Variants in INPP5D observed in about 807,000 individuals in gnomAD.
INPP5D encodes the protein phosphatidylinositol 3,4,5-trisphosphate 5-phosphatase 1.
A neutral mutation model predicts 122.9 loss-of-function variants in INPP5D; 33 were observed. The ratio of observed to expected loss-of-function variants is 0.27; its 90% CI spans 0.20 to 0.36. The LOEUF (loss-of-function observed/expected upper bound fraction) is 0.36, where lower values mean the gene tolerates loss of function less well. INPP5D is among the 10% of genes least tolerant of loss of function. The pLI is 1.00. For missense variants in INPP5D, 1,053 were observed against 1,412.7 expected, an observed-to-expected ratio of 0.75 and a Z score of 4.08; for synonymous variants, 584 against 576.2, an observed-to-expected ratio of 1.01 and a Z score of -0.19.
intron 17 of INPP5D, among the ~76,000 whole-genome samples, chr2:233,176,356 G>GATGGATGAATGA (rs59316189): frequency 1.4e-5 from 2 of 139,102 alleles, no homozygotes; most frequent in East Asian, 4.4e-4. Context: ...TGGATGGATG[G>GATGGATGAATGA]ATAGGCGAAT....
At chr2:233,133,047 C>T (rs973118557) in intron 5 of INPP5D, among the ~76,000 whole-genome samples, 1 of 151,928 alleles carries the variant, frequency 6.6e-6, no homozygotes, top group Non-Finnish European at 1.5e-5. Context: ...TTGCTTCCCC[C>T]GAGTCCAATG....
rs369276141 is a variant in INPP5D, at chr2:233,069,257, C to T, written c.134+8645C>T. Among the ~76,000 whole-genome samples the T allele has an allele frequency of 4.6e-5, 7 of 152,174 alleles. No individual in the cohort carries two copies. In the East Asian group the frequency reaches 5.8e-4, roughly 13 times the overall value. On this transcript the variant is annotated intron_variant, in intron 1 of 26. Coordinates refer to ENST00000445964, the MANE Select transcript of INPP5D (RefSeq NM_001017915.3). ...TCCCCGAGAGATCATTTGGGACCTC[C>T]CCGGAGCAGAGAGGCTTGCTGGACC... is the stretch of plus-strand genomic sequence containing the variant.
At chr2:233,205,966 C>G (rs1695487913) in intron 26 of INPP5D, among the ~76,000 whole-genome samples, 2 of 152,128 alleles carry the variant, frequency 1.3e-5, no homozygotes, top group African/African-American at 2.4e-5. Context: ...GTAATCCCAA[C>G]TACTCGGGAG....
At chr2:233,136,394 G>A (rs894903056) in intron 5 of INPP5D, among the ~76,000 whole-genome samples, 1 of 151,638 alleles carries the variant, frequency 6.6e-6, no homozygotes, top group Admixed American at 6.6e-5. Flanking sequence ...TAGGAGAATC[G>A]CTTGAACCCA....
chr2:233,062,848 G>C (rs1691111377), intron 1 of INPP5D, among the ~76,000 whole-genome samples: 2 of 152,148 alleles, frequency 1.3e-5, no homozygotes, highest in African/African-American at 2.4e-5. Context: ...TCATATGGCT[G>C]CCACCCTGGA....
intron 2 of INPP5D, among the ~76,000 whole-genome samples, chr2:233,108,264 G>A (rs1186933252): frequency 3.3e-5 from 5 of 152,184 alleles, no homozygotes; most frequent in East Asian, 1.9e-4. Context: ...TAGAGAGTCC[G>A]GGGATCCCCC....
At chr2:233,080,459 G>A (rs1327320768) in intron 2 of INPP5D, among the ~76,000 whole-genome samples, 2 of 149,118 alleles carry the variant, frequency 1.3e-5, no homozygotes, top group Non-Finnish European at 2.9e-5. Context: ...GTGTGTGCAC[G>A]TGACAGAGAG....
In INPP5D at chr2:233,193,834, G is replaced by T. The variant is rs1332016927; in HGVS notation, c.2469G>T (p.Arg823=). ...CAGGCGAGGGCTGCATTGCCCTTCG[G>T]TTAGAGGCCACAGAAACGCAGCTGC... is the stretch of plus-strand genomic sequence containing the variant. ...ESYGEGCIAL[R]LEATETQLPI... is the part of the protein sequence containing the mutation. Residue 823 remains arginine, a synonymous_variant, in exon 23 of 27, where the codon CGG becomes CGT. Transcript: ENST00000445964. 6.2e-7 allele frequency: 1 copy of T among 1,613,916 alleles called. No homozygotes were observed. The highest frequency in any genetic ancestry group is 1.1e-5 in the South Asian group (1 of 91,078).
Position 233,177,938 on chromosome 2 carries a change from T to C in INPP5D, c.2071+592T>C, listed in dbSNP as rs6720896. ...AAAAGAACATATTAAGTGTGAACCA[T>C]ATGAAAGTGTTTTTGTAGGTCAGAA... On this transcript the variant is annotated intron_variant, in intron 18 of 26. Coordinates refer to ENST00000445964, the MANE Select transcript of INPP5D (RefSeq NM_001017915.3). This position sits in a 1 kb window ranked among gnomAD's most constrained non-coding sequence, Gnocchi z 4.2. 0.25 allele frequency among the ~76,000 whole-genome samples: 38,454 copies of C among 152,100 alleles called. 5,007 individuals are homozygous for C. The highest frequency in any genetic ancestry group is 0.41 in the East Asian group (2,143 of 5,174).
chr2:233,090,061 T>C (rs1691952148), intron 2 of INPP5D, among the ~76,000 whole-genome samples: 1 of 152,230 alleles, frequency 6.6e-6, no homozygotes, highest in South Asian at 2.1e-4. Flanking sequence ...CAGTGAGCTG[T>C]GGAGGCCTTG....
chr2:233,207,122 C>A lies in INPP5D; in HGVS notation c.*414C>A, dbSNP rs146576598. On this transcript the variant is annotated 3_prime_UTR_variant, in exon 27 of 27. Transcript: ENST00000445964. The surrounding 1 kb of genome is among the most constrained non-coding windows in gnomAD (Gnocchi z 4.6). ...GCCAAGTGCTGTGCTAAGTGCTTTACGAACATTCGTCATATCAGGATGACC... is the reference window on the plus strand; with the variant it reads ...GCCAAGTGCTGTGCTAAGTGCTTTAAGAACATTCGTCATATCAGGATGACC... The A allele has an allele frequency of 6.3e-6, 1 of 159,678 alleles. No individual in the cohort carries two copies. The highest frequency in any genetic ancestry group is 1.4e-5 in the Non-Finnish European group (1 of 72,430). The allele number at this position is 159,678 out of a possible 1,614,324, so 9.9% of individuals were successfully genotyped here.
chr2:233,097,984 C>T (rs528059031), intron 2 of INPP5D, among the ~76,000 whole-genome samples: 7 of 151,988 alleles, frequency 4.6e-5, no homozygotes, highest in South Asian at 2.1e-4. Flanking sequence ...CTCCCAGGTT[C>T]GAGCAATTCT....
intron 2 of INPP5D, among the ~76,000 whole-genome samples, chr2:233,085,052 G>A (rs905545805): frequency 1.3e-5 from 2 of 152,106 alleles, no homozygotes; most frequent in African/African-American, 4.8e-5. Context: ...CCAACTGTTC[G>A]CTCAAAATCC....
rs1309306304 is a variant in INPP5D, at chr2:233,060,580, G to A, written c.102G>A (p.Glu34=). ...KDGSFLVRAS[E]SISRAYALCV... ...GGAGCTTCCTCGTGCGTGCCAGCGA[G>A]TCCATCTCCCGGGCATACGCGCTCT... Residue 34 remains glutamate (E), a synonymous_variant, in exon 1 of 27, where the codon GAG becomes GAA. Coordinates refer to ENST00000445964, the MANE Select transcript of INPP5D (RefSeq NM_001017915.3). 6.2e-6 allele frequency: 10 copies of A among 1,613,920 alleles called. No individual in the cohort carries two copies. The African/African-American group carries it at 9.3e-5, about 15-fold the overall frequency.
In INPP5D at chr2:233,206,677, C is replaced by A. The variant is rs1174206787; in HGVS notation, c.3568-29C>A. ...CAACATGGCCTGGTGAGAATGAGCC[C>A]TGACAGCCCTTCTGTTCTTGTCCCA... is the stretch of plus-strand genomic sequence containing the variant. On this transcript the variant is annotated intron_variant, in intron 26 of 26. Transcript: ENST00000445964. This position sits in a 1 kb window ranked among gnomAD's most constrained non-coding sequence, Gnocchi z 4.0. 1.3e-6 allele frequency: 1 copy of A among 770,838 alleles called. No homozygotes were observed. The highest frequency in any genetic ancestry group is 1.4e-5 in the South Asian group (1 of 72,306). The allele number at this position is 770,838 out of a possible 1,614,324, so 47.7% of individuals were successfully genotyped here.
In INPP5D at chr2:233,070,458, C is replaced by T. The variant is rs955131694; in HGVS notation, c.135-8877C>T. ...ATTCAGCAGGTTTTTTTTTTTTTTT[C>T]GAGATGGTGTCTCTGTCTGTCACCC... On this transcript the variant is annotated intron_variant, in intron 1 of 26. Transcript: ENST00000445964. 9.3e-3 allele frequency among the ~76,000 whole-genome samples: 1,028 copies of T among 110,980 alleles called. 6 individuals carry two copies. Among genetic ancestry groups the T allele is most frequent in the Non-Finnish European group, 0.015 (806 of 53,402 alleles). 72.8% of individuals were successfully genotyped at this position (110,980 alleles called of 152,430 possible). A position where few individuals can be genotyped will look rare whatever the true frequency, so the allele number is the denominator to read the frequency against.
intron 23 of INPP5D, 57 bp from the exon 24 acceptor site, chr2:233,195,342 C>T (rs952434874): frequency 3.1e-5 from 50 of 1,612,092 alleles, no homozygotes; most frequent in Middle Eastern, 1.6e-4. Flanking sequence ...TGCCATCCCT[C>T]GCCTAAGCTC....
intron 1 of INPP5D, 125 bp downstream of exon 1, chr2:233,060,737 AC>A: frequency 7.7e-7 from 1 of 1,297,620 alleles, no homozygotes; most frequent in Non-Finnish European, 1.1e-6. Flanking sequence ...CTTCCCCGCC[AC>A]CCTGTCATGG....
At chr2:233,144,866 T>C (rs1200199901) in intron 6 of INPP5D, among the ~76,000 whole-genome samples, 1 of 152,002 alleles carries the variant, frequency 6.6e-6, no homozygotes, top group African/African-American at 2.4e-5. Flanking sequence ...TTGATCATTG[T>C]GCAGAGGCAG....
Sources: gnomAD v4.1 joint callset for allele counts (sites outside exome capture counted in the v4.1 genomes callset) on GRCh38, gnomAD v4.1.1 for gene constraint, Gnocchi (gnomAD v3.1) non-coding constraint, MANE v1.5 for transcripts, NCBI Gene and HGNC (gene_info 2026-07-23, HGNC 2026-07-21) for gene names.